The following ESRRG variants were observed in gnomAD, a reference collection of about 807,000 sequenced individuals.
ESRRG encodes the protein estrogen related receptor gamma.
Under a neutral mutation model 44.0 loss-of-function variants are expected in ESRRG, and 13 were observed. The ratio of observed to expected loss-of-function variants is 0.30; its 90% CI spans 0.19 to 0.47. ESRRG has a LOEUF of 0.47. Ranked by LOEUF, ESRRG falls within the 20% of genes least tolerant of loss-of-function variation. ESRRG has a pLI of 1.00. For missense variants in ESRRG, 395 were observed against 580.6 expected (o/e 0.68, Z 3.29); for synonymous variants, 215 against 214.6 (o/e 1.00, Z -0.02).
chr1:216,573,825 A>G (rs2061251522), intron 3 of ESRRG, among the ~76,000 whole-genome samples: 1 of 152,074 alleles, frequency 6.6e-6, no homozygotes, highest in African/African-American at 2.4e-5. Flanking sequence ...TAAATAGAGA[A>G]TTCATAATTA....
intron 1 of ESRRG, among the ~76,000 whole-genome samples, chr1:216,703,319 C>T (rs544511303): frequency 6.6e-6 from 1 of 152,214 alleles, no homozygotes; most frequent in Non-Finnish European, 1.5e-5. Flanking sequence ...AAAAATCACA[C>T]ATAAAAATCT....
At chr1:216,719,086 T>G (rs2085570935) in intron 1 of ESRRG, among the ~76,000 whole-genome samples, 1 of 152,054 alleles carries the variant, frequency 6.6e-6, no homozygotes, top group Admixed American at 6.6e-5. Context: ...TTTTCTTTAG[T>G]CATTGAGCTA....
rs559239131 is a variant in ESRRG at position 216,950,267 on chromosome 1, A to T, written c.-105-10594T>A. Reference sequence around the variant, plus strand: ...TCGTATGTTGAATGAACTACTAGAGATGACTATCTTCCAATTCTAATGAAC... The same window carrying T: ...TCGTATGTTGAATGAACTACTAGAGTTGACTATCTTCCAATTCTAATGAAC... On this transcript the variant is annotated intron_variant, in intron 1 of 7. Transcript: ENST00000359162. 4.1e-4 allele frequency among the ~76,000 whole-genome samples: 63 copies of T among 152,320 alleles called. No homozygotes were observed. In the Middle Eastern group the frequency reaches 0.01, roughly 25 times the overall value.
chr1:216,567,013 T>C lies in ESRRG; in HGVS notation c.700+975A>G, dbSNP rs73089927. ...CACAGCAGTGACCCCTCCTGGAGAA[T>C]CTGAATTAGAAGTGGACATCTTCTC... On this transcript the variant is annotated intron_variant, in intron 4 of 6. Transcript: ENST00000408911. Among the ~76,000 whole-genome samples the C allele has an allele frequency of 5.3e-3, 812 of 152,308 alleles. 6 individuals are homozygous for C. The highest frequency in any genetic ancestry group is 0.018 in the African/African-American group (769 of 41,570).
intron 1 of ESRRG, among the ~76,000 whole-genome samples, chr1:216,986,172 C>T (rs891822169): frequency 2.0e-5 from 3 of 152,116 alleles, no homozygotes; most frequent in African/African-American, 4.8e-5. Flanking sequence ...CCCAGACATT[C>T]CTGGTATTTG....
chr1:217,121,504 C>T (rs1010079845), intron 1 of ESRRG, among the ~76,000 whole-genome samples: 2 of 151,976 alleles, frequency 1.3e-5, no homozygotes, highest in African/African-American at 4.8e-5. Flanking sequence ...TACAAGTCTA[C>T]GTGAGAGATG....
At chr1:217,123,592 T>C (rs2092850301) in intron 1 of ESRRG, among the ~76,000 whole-genome samples, 1 of 152,146 alleles carries the variant, frequency 6.6e-6, no homozygotes, top group Non-Finnish European at 1.5e-5. Flanking sequence ...AATGAGATCA[T>C]GTCCTTCGCA....
rs564040227 is a variant in ESRRG, at chr1:217,107,952, G to C, written c.-230+29715C>G. ...TCTTCATAAACAGACTAGCCCATTT[G>C]AGATGAACTCTATTTAAAGCATGTC... On this transcript the variant is annotated intron_variant, in intron 1 of 8. Coordinates refer to the ESRRG transcript ENST00000366940. Among the ~76,000 whole-genome samples, 5 of 151,962 alleles carry C rather than the reference G, an allele frequency of 3.3e-5. No homozygotes were observed. In the East Asian group the frequency reaches 7.7e-4, roughly 24 times the overall value.
chr1:216,971,446 C>T (rs1321780955), intron 1 of ESRRG, among the ~76,000 whole-genome samples: 1 of 152,130 alleles, frequency 6.6e-6, no homozygotes, highest in Non-Finnish European at 1.5e-5. Flanking sequence ...TGGGCACGGG[C>T]CATTCCAAAG....
chr1:216,895,117 T>C (rs909679691), intron 2 of ESRRG, among the ~76,000 whole-genome samples: 13 of 152,172 alleles, frequency 8.5e-5, no homozygotes, highest in Admixed American at 2.0e-4. Flanking sequence ...TAGACATCCA[T>C]ATTAGTTTTA....
intron 3 of ESRRG, among the ~76,000 whole-genome samples, chr1:216,630,445 A>C (rs2063946029): frequency 6.8e-6 from 1 of 146,470 alleles, no homozygotes; most frequent in Admixed American, 6.8e-5. Context: ...TGTGCGTGTG[A>C]ACACACACAC....
intron 2 of ESRRG, among the ~76,000 whole-genome samples, chr1:216,748,968 C>T (rs190875071): frequency 6.6e-4 from 100 of 152,154 alleles, no homozygotes; most frequent in Non-Finnish European, 1.2e-3. Context: ...CTACGGTCGA[C>T]GTAGAAAGAC....
At chr1:216,534,587 G>A (rs1041102200) in intron 5 of ESRRG, among the ~76,000 whole-genome samples, 2 of 152,174 alleles carry the variant, frequency 1.3e-5, no homozygotes, top group African/African-American at 2.4e-5. Context: ...TAACTAAAAC[G>A]TTTGTAGTTC....
At chr1:217,099,985 G>GAA (rs5780965) in intron 1 of ESRRG, among the ~76,000 whole-genome samples, 51 of 136,962 alleles carry the variant, frequency 3.7e-4, no homozygotes, top group African/African-American at 7.5e-4. Context: ...TTTTTATCCA[G>GAA]AAAAAAAAAA....
chr1:216,653,422 T>C (rs2069527404), intron 2 of ESRRG, among the ~76,000 whole-genome samples: 1 of 152,236 alleles, frequency 6.6e-6, no homozygotes, highest in Non-Finnish European at 1.5e-5. Flanking sequence ...GAATGAAATA[T>C]AAACTATAAG....
intron 2 of ESRRG, among the ~76,000 whole-genome samples, chr1:216,775,689 C>T (rs1024409399): frequency 6.8e-6 from 1 of 147,506 alleles, no homozygotes; most frequent in Non-Finnish European, 1.5e-5. Context: ...GTGGCTGGGA[C>T]TATAGGTGTG....
At chr1:216,680,328 A>T (rs775495356) in intron 1 of ESRRG, among the ~76,000 whole-genome samples, 15 of 152,180 alleles carry the variant, frequency 9.9e-5, no homozygotes, top group Non-Finnish European at 1.8e-4. Flanking sequence ...AAATTTGCTG[A>T]GGGTCATACA....
At chr1:216,520,799 G>C (rs563234096) in intron 5 of ESRRG, among the ~76,000 whole-genome samples, 17 of 152,146 alleles carry the variant, frequency 1.1e-4, no homozygotes, top group Non-Finnish European at 2.5e-4. Context: ...TCCCTTTCTA[G>C]ACATTATTAT....
At chr1:216,537,565 G>C (rs2051357292) in intron 5 of ESRRG, among the ~76,000 whole-genome samples, 1 of 152,014 alleles carries the variant, frequency 6.6e-6, no homozygotes, top group Admixed American at 6.6e-5. Flanking sequence ...CTGGAGAATG[G>C]GGCAGGCATG....
Sources: gnomAD v4.1 joint callset for allele counts (sites outside exome capture counted in the v4.1 genomes callset) on GRCh38, gnomAD v4.1.1 for gene constraint, MANE v1.5 for transcripts, NCBI Gene and HGNC (gene_info 2026-07-23, HGNC 2026-07-21) for gene names.